TRHDE: variants seen among roughly 807,000 people sequenced by gnomAD.
TRHDE encodes the protein thyrotropin-releasing hormone-degrading ectoenzyme.
TRHDE carries 72 observed loss-of-function variants against 125.7 expected under a neutral mutation model. The observed-to-expected ratio is 0.57, with a 90% confidence interval of 0.47 to 0.70. TRHDE has a LOEUF of 0.70. Among genes scored for constraint, TRHDE ranks in the 30% least tolerant of loss-of-function variants. The probability of loss-of-function intolerance (pLI) is 0.00; values close to 1 mark genes in which losing one functional copy is unlikely to be tolerated. For synonymous variants in TRHDE, 509 were observed against 509.1 expected (o/e 1.00, Z 0.00); for missense variants, 1,110 against 1,327.1 (o/e 0.84, Z 2.54).
chr12:72,425,383 C>T (rs1410389558), intron 3 of TRHDE, among the ~76,000 whole-genome samples: 2 of 152,014 alleles, frequency 1.3e-5, no homozygotes, highest in Admixed American at 6.6e-5. Flanking sequence ...TTCCACAGTA[C>T]ACTTAGATGT....
intron 18 of TRHDE, among the ~76,000 whole-genome samples, chr12:72,661,564 T>C (rs1266056636): frequency 6.6e-6 from 1 of 152,194 alleles, no homozygotes; most frequent in African/African-American, 2.4e-5. Context: ...ATAGACTGGA[T>C]GAGTCTGAAC....
At chr12:72,458,378 T>A (rs1303587053) in intron 3 of TRHDE, among the ~76,000 whole-genome samples, 8 of 152,158 alleles carry the variant, frequency 5.3e-5, no homozygotes, top group Non-Finnish European at 1.0e-4. Context: ...TTCCTGATTT[T>A]CTTTCCCCTT....
At chr12:72,295,791 ATT>A (rs11375680) in intron 2 of TRHDE, among the ~76,000 whole-genome samples, 1 of 151,062 alleles carries the variant, frequency 6.6e-6, no homozygotes, top group African/African-American at 2.4e-5. Flanking sequence ...CATGTATTCT[ATT>A]TTTTTTTTAA....
chr12:72,092,008 G>A (rs1323390193), intron 1 of TRHDE, among the ~76,000 whole-genome samples: 1 of 152,110 alleles, frequency 6.6e-6, no homozygotes, highest in African/African-American at 2.4e-5. Context: ...TATCATTTCT[G>A]TGTTCATCCC....
chr12:72,306,508 G>A (rs1039421665), intron 2 of TRHDE, among the ~76,000 whole-genome samples: 1 of 151,996 alleles, frequency 6.6e-6, no homozygotes, highest in Admixed American at 6.6e-5. Context: ...TAAACAGCTC[G>A]GCAACAGTAT....
chr12:72,625,939 G>A (rs1392964865), intron 15 of TRHDE, among the ~76,000 whole-genome samples: 1 of 151,982 alleles, frequency 6.6e-6, no homozygotes, highest in Non-Finnish European at 1.5e-5. Flanking sequence ...ACAGCTTTAT[G>A]TACATGGGTT....
chr12:72,285,614 G>C (rs1180367499), intron 1 of TRHDE, among the ~76,000 whole-genome samples: 2 of 146,576 alleles, frequency 1.4e-5, no homozygotes, highest in Non-Finnish European at 3.0e-5. Flanking sequence ...TCTGCCTCCC[G>C]AGTTCAAGTG....
At chr12:72,388,933 T>C (rs1362059011) in intron 3 of TRHDE, among the ~76,000 whole-genome samples, 2 of 151,538 alleles carry the variant, frequency 1.3e-5, no homozygotes, top group African/African-American at 4.9e-5. Flanking sequence ...AAAGAGAACA[T>C]TTACTGTAGA....
chr12:72,348,247 A>G (rs1870422112), intron 2 of TRHDE, among the ~76,000 whole-genome samples: 1 of 151,792 alleles, frequency 6.6e-6, no homozygotes, highest in Non-Finnish European at 1.5e-5. Context: ...CAATTTTTAA[A>G]TATGTTTCTG....
At chr12:72,207,500 AG>A in intron 2 of TRHDE, among the ~76,000 whole-genome samples, 1 of 152,342 alleles carries the variant, frequency 6.6e-6, no homozygotes, top group African/African-American at 2.4e-5. Context: ...CCTAATAAAA[AG>A]GACAGCAACT....
intron 1 of TRHDE, among the ~76,000 whole-genome samples, chr12:72,092,033 C>A (rs1874803985): frequency 6.6e-6 from 1 of 152,202 alleles, no homozygotes; most frequent in African/African-American, 2.4e-5. Flanking sequence ...TTCAGTCTTG[C>A]AAATGACAGT....
At chr12:72,358,955 A>G (rs1870942861) in intron 2 of TRHDE, among the ~76,000 whole-genome samples, 1 of 151,550 alleles carries the variant, frequency 6.6e-6, no homozygotes, top group Non-Finnish European at 1.5e-5. Context: ...AACTCTAACC[A>G]CTGCCCCCTC....
chr12:72,087,831 G>C (rs1359228933), intron 1 of TRHDE, among the ~76,000 whole-genome samples: 1 of 152,094 alleles, frequency 6.6e-6, no homozygotes, highest in Non-Finnish European at 1.5e-5. Context: ...ACTATACCTA[G>C]TAGCAATCTG....
intron 13 of TRHDE, among the ~76,000 whole-genome samples, chr12:72,619,697 C>T (rs1872964991): frequency 6.6e-6 from 1 of 152,162 alleles, no homozygotes; most frequent in Non-Finnish European, 1.5e-5. Context: ...TTAAGTACTG[C>T]TCATGAGCCT....
At chr12:72,159,921 T>C (rs2139327705) in intron 2 of TRHDE, among the ~76,000 whole-genome samples, 1 of 152,262 alleles carries the variant, frequency 6.6e-6, no homozygotes, top group African/African-American at 2.4e-5. Flanking sequence ...TATTGTCTCA[T>C]CTTACATCTC....
chr12:72,637,265 T>G (rs1322839031), intron 15 of TRHDE, among the ~76,000 whole-genome samples: 1 of 152,234 alleles, frequency 6.6e-6, no homozygotes, highest in Non-Finnish European at 1.5e-5. Context: ...TATCCATTTC[T>G]TCTAGATTTT....
At chr12:72,400,275 T>G (rs920511856) in intron 3 of TRHDE, among the ~76,000 whole-genome samples, 7 of 152,124 alleles carry the variant, frequency 4.6e-5, no homozygotes, top group African/African-American at 1.7e-4. Context: ...TTATTAATAT[T>G]AAAATTATTC....
At chr12:72,362,534 G>A (rs1871147054) in intron 2 of TRHDE, among the ~76,000 whole-genome samples, 1 of 151,820 alleles carries the variant, frequency 6.6e-6, no homozygotes, top group Admixed American at 6.6e-5. Context: ...TCTGATGGTA[G>A]TTTCTTTTGC....
intron 2 of TRHDE, among the ~76,000 whole-genome samples, chr12:72,364,170 C>T (rs1267207878): frequency 3.3e-5 from 5 of 151,896 alleles, no homozygotes; most frequent in Admixed American, 6.6e-5. Flanking sequence ...TAGGAATAAT[C>T]AATATCATGA....
Sources: allele counts gnomAD v4.1 joint callset (sites outside exome capture counted in the v4.1 genomes callset), GRCh38; gene constraint gnomAD v4.1.1; transcripts MANE v1.5; gene names NCBI Gene and HGNC (gene_info 2026-07-23, HGNC 2026-07-21).